ZBTB40: variants seen among roughly 807,000 people sequenced by gnomAD.
ZBTB40 encodes the protein zinc finger and BTB domain-containing protein 40.
A neutral mutation model predicts 117.5 loss-of-function variants in ZBTB40; 60 were observed. That is an observed-to-expected ratio of 0.51 (90% CI 0.41 to 0.63). The LOEUF (loss-of-function observed/expected upper bound fraction) is 0.63, where lower values mean the gene tolerates loss of function less well. ZBTB40 is among the 30% of genes least tolerant of loss of function. The pLI is 0.00. For synonymous variants in ZBTB40, 525 were observed against 577.1 expected (o/e 0.91, Z 1.29); for missense variants, 1,287 against 1,498.5 (o/e 0.86, Z 2.33).
At chr1:22,522,083 A>G (rs1639541573) in intron 15 of ZBTB40, among the ~76,000 whole-genome samples, 1 of 152,266 alleles carries the variant, frequency 6.6e-6, no homozygotes, top group African/African-American at 2.4e-5. Flanking sequence ...TAATCACAAC[A>G]GCTGTCAGTT....
rs1052259275 is a variant in ZBTB40, at chr1:22,523,114, A to AT, written c.3298+661dup. ...AGGCGCCCACCACCACACCCGACTA[A>AT]TTTTTTTTTTGTATTTTTAGTAGAG... is the stretch of plus-strand genomic sequence containing the variant. On this transcript the variant is annotated intron_variant, in intron 16 of 17. Transcript: ENST00000375647. 1.0e-4 allele frequency among the ~76,000 whole-genome samples: 15 copies of AT among 147,168 alleles called. No homozygotes were observed. In the South Asian group the frequency reaches 1.3e-3, roughly 13 times the overall value.
intron 10 of ZBTB40, 86 bp downstream of exon 10, chr1:22,511,433 T>C: frequency 6.4e-7 from 1 of 1,555,712 alleles, no homozygotes; most frequent in South Asian, 1.1e-5. Context: ...CATATCATAG[T>C]TTATCACAAC....
intron 1 of ZBTB40, among the ~76,000 whole-genome samples, chr1:22,429,865 C>T (rs1640555102): frequency 6.6e-6 from 1 of 152,060 alleles, no homozygotes. Flanking sequence ...CATGGTGGCG[C>T]ACACCTGTAA....
chr1:22,456,588 C>A (rs1264805620), intron 1 of ZBTB40, among the ~76,000 whole-genome samples: 1 of 152,200 alleles, frequency 6.6e-6, no homozygotes, highest in Non-Finnish European at 1.5e-5. Context: ...AATGAAACAT[C>A]ACATGTAACA....
chr1:22,504,966 A>G (rs1374506752), intron 5 of ZBTB40, among the ~76,000 whole-genome samples: 1 of 152,258 alleles, frequency 6.6e-6, no homozygotes, highest in African/African-American at 2.4e-5. Context: ...TATTTAGTAG[A>G]AATCTATATA....
intron 1 of ZBTB40, among the ~76,000 whole-genome samples, chr1:22,469,746 C>A (rs891412402): frequency 3.3e-5 from 5 of 151,854 alleles, no homozygotes; most frequent in Non-Finnish European, 7.4e-5. Flanking sequence ...CCATGTTGGT[C>A]AGGCTGGCTT....
intron 4 of ZBTB40, among the ~76,000 whole-genome samples, 154 bp downstream of exon 4, chr1:22,501,838 T>G (rs1473692104): frequency 2.6e-5 from 4 of 152,352 alleles, no homozygotes; most frequent in African/African-American, 9.6e-5. Context: ...ATGTTAAATA[T>G]ACACCAACTA....
intron 1 of ZBTB40, among the ~76,000 whole-genome samples, chr1:22,474,292 T>TA (rs1318298162): frequency 6.6e-6 from 1 of 152,194 alleles, no homozygotes; most frequent in East Asian, 1.9e-4. Context: ...ACAATGATGA[T>TA]ACATGTGAGA....
At chr1:22,510,105 A>G (rs1034001448) in intron 9 of ZBTB40, among the ~76,000 whole-genome samples, 1 of 152,220 alleles carries the variant, frequency 6.6e-6, no homozygotes, top group Non-Finnish European at 1.5e-5. Flanking sequence ...AGGAATACCA[A>G]GTGGGGACTG....
intron 1 of ZBTB40, among the ~76,000 whole-genome samples, chr1:22,432,446 T>C (rs942672531): frequency 1.3e-5 from 2 of 152,222 alleles, no homozygotes; most frequent in Non-Finnish European, 2.9e-5. Context: ...CTCTATCTAA[T>C]GTGGCGACCA....
chr1:22,504,192 C>A (rs928636180), intron 5 of ZBTB40, among the ~76,000 whole-genome samples: 2 of 152,130 alleles, frequency 1.3e-5, no homozygotes, highest in Non-Finnish European at 2.9e-5. Flanking sequence ...ATTTTGACAT[C>A]GTGTGGAATG....
intron 1 of ZBTB40, among the ~76,000 whole-genome samples, chr1:22,462,903 A>G (rs1641164024): frequency 6.6e-6 from 1 of 152,220 alleles, no homozygotes; most frequent in Non-Finnish European, 1.5e-5. Flanking sequence ...GAAGATACAT[A>G]TGTAACTTGA....
At chr1:22,496,424 G>C (rs1638775983) in intron 3 of ZBTB40, among the ~76,000 whole-genome samples, 1 of 152,166 alleles carries the variant, frequency 6.6e-6, no homozygotes, top group Non-Finnish European at 1.5e-5. Flanking sequence ...ACTAAGTTAG[G>C]GTAGGCATGG....
chr1:22,521,715 G>A, intron 15 of ZBTB40, 57 bp downstream of exon 15: 1 of 1,609,098 alleles, frequency 6.2e-7, no homozygotes, highest in African/African-American at 1.3e-5. Flanking sequence ...GTAGCCTCCT[G>A]GGCCCCACCA....
intron 13 of ZBTB40, chr1:22,517,773 T>C: frequency 3.1e-6 from 1 of 326,522 alleles, no homozygotes; most frequent in Non-Finnish European, 5.7e-6. Flanking sequence ...ACTGATTGGC[T>C]CACAGAGCAC....
chr1:22,497,181 A>T (rs1003051097), intron 3 of ZBTB40, among the ~76,000 whole-genome samples: 1 of 152,198 alleles, frequency 6.6e-6, no homozygotes, highest in Non-Finnish European at 1.5e-5. Flanking sequence ...GAATAAGGAG[A>T]TAATTTTTCT....
chr1:22,469,327 G>T (rs1641342470), intron 1 of ZBTB40, among the ~76,000 whole-genome samples: 1 of 151,572 alleles, frequency 6.6e-6, no homozygotes, highest in African/African-American at 2.4e-5. Flanking sequence ...TTTTTTTTAA[G>T]AGACACAGTC....
At position 22,520,331 on chromosome 1, in the gene ZBTB40, T is replaced by A. The variant is rs575015936; in HGVS notation, c.3048+56T>A. The A allele has an allele frequency of 7.1e-6, 10 of 1,407,622 alleles. No homozygotes were observed. In the African/African-American group the frequency reaches 1.4e-4, roughly 20 times the overall value. The allele number at this position is 1,407,622 out of a possible 1,614,324, so 87.2% of individuals were successfully genotyped here. On this transcript the variant is annotated intron_variant, in intron 14 of 17. Coordinates refer to ENST00000375647, the MANE Select transcript of ZBTB40 (RefSeq NM_014870.4). ...CCTCACCCCTGACCTACTCTCCATTTGATCTTCCCTGATGCCCGGGTTGGT... is the reference window on the plus strand; with the variant it reads ...CCTCACCCCTGACCTACTCTCCATTAGATCTTCCCTGATGCCCGGGTTGGT...
rs1639499757 is a variant in ZBTB40, at chr1:22,520,761, C to CT, written c.3048+487dup. 5.3e-5 allele frequency among the ~76,000 whole-genome samples: 8 copies of CT among 152,332 alleles called. No individual in the cohort carries two copies. The South Asian group carries it at 1.7e-3, about 32-fold the overall frequency. On this transcript the variant is annotated intron_variant, in intron 14 of 17. Transcript: ENST00000375647. ...ATATAGAACTAAAAAGAAACTGCAT[C>CT]TGTCAGAAGCTTTAAAACTACAGAG...
Sources: allele counts gnomAD v4.1 joint callset (sites outside exome capture counted in the v4.1 genomes callset), GRCh38; gene constraint gnomAD v4.1.1; transcripts MANE v1.5; gene names NCBI Gene and HGNC (gene_info 2026-07-23, HGNC 2026-07-21).